Variants in VPS16 observed in about 807,000 individuals in gnomAD.
The protein encoded by VPS16 is vacuolar protein sorting-associated protein 16 homolog.
In VPS16, 82 loss-of-function variants were observed where a neutral mutation model predicts 116.0. That is an observed-to-expected ratio of 0.71 (90% confidence interval 0.59 to 0.85). The LOEUF is 0.85. VPS16 is among the 40% of genes least tolerant of loss of function. VPS16 has a pLI of 0.00. For synonymous variants in VPS16, 406 were observed against 420.7 expected (o/e 0.96, Z 0.43); for missense variants, 928 against 1,090.6 (o/e 0.85, Z 2.10).
chr20:2,855,985 TC>T (rs1338193167), intron 1 of VPS16, among the ~76,000 whole-genome samples: 5 of 152,236 alleles, frequency 3.3e-5, no homozygotes, highest in Middle Eastern at 3.2e-3. Flanking sequence ...CAAGAACTTT[TC>T]CTTTGCATTC....
chr20:2,842,847 T>TAGACAGATAGATGTATCTATCGATAGAC (rs773945550), intron 1 of VPS16, among the ~76,000 whole-genome samples: 21 of 108,772 alleles, frequency 1.9e-4, no homozygotes, highest in South Asian at 3.8e-4. Context: ...TATCTATCGA[T>TAGACAGATAGATGTATCTATCGATAGAC]AGATAGATGT....
rs112164169 is a variant in VPS16, at chr20:2,864,692, T to G, written c.1926+38T>G. ...TGGGGCGTGTGGGGCGTGTGGGGCA[T>G]GTGGGCTGGGGCTGTTGGTCCGGTT... is the stretch of plus-strand genomic sequence containing the variant. On this transcript the variant is annotated intron_variant, in intron 19 of 23. Coordinates refer to ENST00000380445, the MANE Select transcript of VPS16 (RefSeq NM_022575.4). This position sits in a 1 kb window ranked among gnomAD's most constrained non-coding sequence, Gnocchi z 5.2. The G allele has an allele frequency of 6.2e-7, 1 of 1,600,408 alleles. No homozygotes were observed. Among genetic ancestry groups the G allele is most frequent in the Non-Finnish European group, 8.5e-7 (1 of 1,170,084 alleles).
At chr20:2,855,369 C>T (rs933236825) in intron 1 of VPS16, among the ~76,000 whole-genome samples, 5 of 151,528 alleles carry the variant, frequency 3.3e-5, no homozygotes, top group African/African-American at 1.2e-4. Flanking sequence ...GTGCTGTCAT[C>T]TAGGCTTTGT....
rs765032510 is a variant in VPS16, at chr20:2,860,236, C to T, written c.241-3C>T. ...CAGCCTTAGGAACCTCTCTCCCCTG[C>T]AGTGGAAGAGTGGACCCGTGGTGTC... On this transcript the variant is annotated splice_region_variant and splice_polypyrimidine_tract_variant and intron_variant, in intron 3 of 23. Transcript: ENST00000380445. The surrounding 1 kb of genome is among the most constrained non-coding windows in gnomAD (Gnocchi z 6.1). The T allele has an allele frequency of 1.9e-6, 3 of 1,614,042 alleles. No individual in the cohort carries two copies. The highest frequency in any genetic ancestry group is 1.1e-5 in the South Asian group (1 of 91,074).
chr20:2,860,912 G>A lies in VPS16; in HGVS notation c.630+49G>A. The A allele has an allele frequency of 1.9e-6, 3 of 1,614,080 alleles. No individual in the cohort carries two copies. In the Middle Eastern group the frequency reaches 4.9e-4, roughly 266 times the overall value. ...AGTGGACGGGCTGGGTTAGGCAATA[G>A]GGAGGTTCTGAAAAGTCAGTATGTA... On this transcript the variant is annotated intron_variant, in intron 6 of 23. Coordinates refer to ENST00000380445, the MANE Select transcript of VPS16 (RefSeq NM_022575.4). This position sits in a 1 kb window ranked among gnomAD's most constrained non-coding sequence, Gnocchi z 6.1.
intron 1 of VPS16, among the ~76,000 whole-genome samples, chr20:2,846,217 A>G (rs948228389): frequency 6.7e-6 from 1 of 149,258 alleles, no homozygotes; most frequent in Non-Finnish European, 1.5e-5. Context: ...CCCGGGTTCA[A>G]GTGATTCTCC....
At chr20:2,848,032 G>A (rs2089079225) in intron 1 of VPS16, among the ~76,000 whole-genome samples, 1 of 151,892 alleles carries the variant, frequency 6.6e-6, no homozygotes, top group African/African-American at 2.4e-5. Flanking sequence ...ACCCCTGCAC[G>A]GTGCAGAACC....
chr20:2,861,138 A>T, intron 7 of VPS16, 46 bp downstream of exon 7: 2 of 1,614,196 alleles, frequency 1.2e-6, no homozygotes, highest in Non-Finnish European at 1.7e-6. Context: ...TGTCCAGGGT[A>T]CAAGATCTTT....
At chr20:2,849,620 G>GT (rs1001937401) in intron 1 of VPS16, among the ~76,000 whole-genome samples, 4 of 151,876 alleles carry the variant, frequency 2.6e-5, no homozygotes, top group African/African-American at 9.7e-5. Context: ...TTTTTTGGGG[G>GT]GGGTGGGTGC....
At chr20:2,854,105 A>C (rs1001842700) in intron 1 of VPS16, among the ~76,000 whole-genome samples, 3 of 152,146 alleles carry the variant, frequency 2.0e-5, no homozygotes, top group African/African-American at 7.2e-5. Context: ...TGGCAGCTAT[A>C]GCCTTATAAA....
Position 2,864,603 on chromosome 20 carries a change from T to C in VPS16, c.1875T>C (p.Asn625=). ...TLKDLYNQDD[N]HQELGSFHIR... ...AGGACCTTTACAATCAGGATGACAA[T>C]CACCAGGAATTGGGCAGCTTCCACA... The change falls in exon 19 of 24, where the codon AAT becomes AAC. Residue 625 remains asparagine (N), a synonymous_variant. Coordinates refer to ENST00000380445, the MANE Select transcript of VPS16 (RefSeq NM_022575.4). This position sits in a 1 kb window ranked among gnomAD's most constrained non-coding sequence, Gnocchi z 5.2. 5 of 1,614,002 alleles carry C rather than the reference T, an allele frequency of 3.1e-6. No homozygotes were observed. Among genetic ancestry groups the C allele is most frequent in the Non-Finnish European group, 2.5e-6 (3 of 1,180,006 alleles).
At chr20:2,856,569 GTCTACCCCA>G (rs1457147996) in intron 1 of VPS16, among the ~76,000 whole-genome samples, 4 of 152,226 alleles carry the variant, frequency 2.6e-5, no homozygotes, top group Admixed American at 6.5e-5. Context: ...CTCCGCAGGT[GTCTACCCCA>G]TCTACCACCC....
chr20:2,850,903 G>A (rs555124428), intron 1 of VPS16, among the ~76,000 whole-genome samples: 80 of 148,764 alleles, frequency 5.4e-4, no homozygotes, highest in African/African-American at 1.9e-3. Flanking sequence ...GCCCTGGGAG[G>A]TCATGGCTAC....
Position 2,860,731 on chromosome 20 carries a change from CT to C in VPS16, c.515-13del, listed in dbSNP as rs754250010. The C allele has an allele frequency of 6.2e-7, 1 of 1,613,678 alleles. No individual in the cohort carries two copies. Among genetic ancestry groups the C allele is most frequent in the East Asian group, 2.2e-5 (1 of 44,870 alleles). On this transcript the variant is annotated splice_polypyrimidine_tract_variant and intron_variant, in intron 5 of 23. Coordinates refer to ENST00000380445, the MANE Select transcript of VPS16 (RefSeq NM_022575.4). This position sits in a 1 kb window ranked among gnomAD's most constrained non-coding sequence, Gnocchi z 6.1. ...GGGCCTTGGTCATCCTAACACTGTC[CT>C]TTTCCCTGGCCATAGGTCTGCAAAG...
At chr20:2,866,167 G>A (rs1449789577) in intron 22 of VPS16, 45 bp from the exon 23 acceptor site, 2 of 1,562,480 alleles carry the variant, frequency 1.3e-6, no homozygotes, top group Non-Finnish European at 1.8e-6. Context: ...AGGACAGGAG[G>A]GCTGTGCATT....
rs761446049 is a variant in VPS16 at position 2,866,490 on chromosome 20, C to T, written c.2436C>T (p.Leu812=). 3.7e-6 allele frequency: 6 copies of T among 1,614,140 alleles called. No homozygotes were observed. The highest frequency in any genetic ancestry group is 2.2e-5 in the East Asian group (1 of 44,876). ...IEHRNEAELS[L]VLSHCTGATD... is the part of the protein sequence containing the mutation. Reference sequence around the variant, plus strand: ...ACCGGAATGAGGCTGAGCTGAGCCTCGTATTGTCCCACTGCACGGGAGCCA... The same window carrying T: ...ACCGGAATGAGGCTGAGCTGAGCCTTGTATTGTCCCACTGCACGGGAGCCA... The change falls in exon 24 of 24, where the codon CTC becomes CTT. Residue 812 remains leucine, a synonymous_variant. Transcript: ENST00000380445.
At chr20:2,859,009 C>A (rs1389840808) in intron 1 of VPS16, among the ~76,000 whole-genome samples, 1 of 152,132 alleles carries the variant, frequency 6.6e-6, no homozygotes, top group Non-Finnish European at 1.5e-5. Context: ...CATTAAGAAC[C>A]AGAAATAGGC....
At chr20:2,843,155 C>T (rs998548586) in intron 1 of VPS16, among the ~76,000 whole-genome samples, 16 of 151,740 alleles carry the variant, frequency 1.1e-4, no homozygotes, top group African/African-American at 3.9e-4. Flanking sequence ...TGCAATTGGC[C>T]GAGCGTGGTG....
In VPS16 at chr20:2,866,450, A is replaced by T. The variant is rs923252996; in HGVS notation, c.2396A>T (p.Asp799Val). Residue 799 changes from aspartate to valine, a missense_variant, in exon 24 of 24, where the codon GAT (aspartate) becomes GTT (valine). Asp to Val is a radical substitution (Grantham distance 152, BLOSUM62 -3). Transcript: ENST00000380445. ...LLVGDVAQAA[D>V]VAIEHRNEAE... ...CACAGCGATGTGGCTCAGGCTGCAG[A>T]TGTGGCCATCGAACACCGGAATGAG... The T allele has an allele frequency of 6.2e-7, 1 of 1,614,042 alleles. No homozygotes were observed. The highest frequency in any genetic ancestry group is 8.5e-7 in the Non-Finnish European group (1 of 1,180,034).
Sources: allele counts gnomAD v4.1 joint callset (sites outside exome capture counted in the v4.1 genomes callset), GRCh38; gene constraint gnomAD v4.1.1; non-coding constraint Gnocchi (gnomAD v3.1); transcripts MANE v1.5; gene names NCBI Gene and HGNC (gene_info 2026-07-23, HGNC 2026-07-21).